Variants in TTBK1 observed in about 807,000 individuals in gnomAD.
TTBK1 encodes tau tubulin kinase 1.
Under a neutral mutation model 108.5 loss-of-function variants are expected in TTBK1, and 34 were observed. The observed-to-expected ratio is 0.31, with a 90% CI of 0.24 to 0.42. The LOEUF is 0.42. Ranked by LOEUF, TTBK1 falls within the 10% of genes least tolerant of loss-of-function variation. The pLI is 1.00. For missense variants in TTBK1, 1,539 were observed against 1,826.0 expected (o/e 0.84, Z 2.86); for synonymous variants, 809 against 795.1 (o/e 1.02, Z -0.29).
chr6:43,244,797 G>A (rs551292527), intron 1 of TTBK1, among the ~76,000 whole-genome samples: 1 of 152,144 alleles, frequency 6.6e-6, no homozygotes, highest in East Asian at 1.9e-4. Context: ...AGCTTCTGAA[G>A]GCCCCCTCCC....
rs936650657 is a variant in TTBK1 at position 43,276,306 on chromosome 6, C to G, written c.1987-6421C>G. Among the ~76,000 whole-genome samples the G allele has an allele frequency of 3.3e-5, 5 of 152,148 alleles. No homozygotes were observed. The highest frequency in any genetic ancestry group is 7.4e-5 in the Non-Finnish European group (5 of 68,026). ...CACACACACGCACACGAAGATGGGA[C>G]GCTTTTTTTCTTCCTCTCTCTCTCC... On this transcript the variant is annotated intron_variant, in intron 13 of 14. Coordinates refer to ENST00000259750, the MANE Select transcript of TTBK1 (RefSeq NM_032538.3). The surrounding 1 kb of genome is among the most constrained non-coding windows in gnomAD (Gnocchi z 5.4).
chr6:43,269,535 CGGGA>C lies in TTBK1; in HGVS notation c.1986+6186_1986+6189del. The C allele has an allele frequency of 7.6e-7, 1 of 1,310,086 alleles. No homozygotes were observed. Among genetic ancestry groups the C allele is most frequent in the Middle Eastern group, 2.3e-4 (1 of 4,274 alleles). The allele number at this position is 1,310,086 out of a possible 1,614,324, so 81.2% of individuals were successfully genotyped here. A position where few individuals can be genotyped will look rare whatever the true frequency, so the allele number is the denominator to read the frequency against. ...CCCTGCCTGACCCCGCCCACTTGCC[CGGGA>C]CGCCGGCGCCGCAGGGGCTGTGAGC... On this transcript the variant is annotated intron_variant, in intron 13 of 14. Transcript: ENST00000259750. This position sits in a 1 kb window ranked among gnomAD's most constrained non-coding sequence, Gnocchi z 4.8.
intron 13 of TTBK1, among the ~76,000 whole-genome samples, chr6:43,277,376 A>G (rs1233551027): frequency 3.3e-5 from 5 of 151,998 alleles, no homozygotes; most frequent in African/African-American, 1.2e-4. Context: ...CTGAGACTGG[A>G]GAGAGAGGGG....
chr6:43,245,741 A>T (rs538199151), intron 1 of TTBK1, among the ~76,000 whole-genome samples: 7 of 152,160 alleles, frequency 4.6e-5, no homozygotes, highest in Admixed American at 3.3e-4. Context: ...TTTCTTGTCG[A>T]TTCCTAAGCA....
intron 13 of TTBK1, among the ~76,000 whole-genome samples, chr6:43,281,112 G>A (rs113715383): frequency 0.011 from 1,730 of 152,132 alleles, 25 homozygotes; most frequent in Non-Finnish European, 0.017. Flanking sequence ...GGTGGCTCAC[G>A]CCTGTAATCC....
intron 13 of TTBK1, chr6:43,271,126 T>G (rs1017490474): frequency 2.0e-6 from 2 of 985,370 alleles, no homozygotes; most frequent in African/African-American, 3.5e-5. Context: ...CCAGCACCTC[T>G]GTTCCCCTGG....
intron 13 of TTBK1, among the ~76,000 whole-genome samples, chr6:43,279,223 G>A (rs537131946): frequency 6.6e-6 from 1 of 152,200 alleles, no homozygotes; most frequent in Non-Finnish European, 1.5e-5. Flanking sequence ...ACCATCCAAT[G>A]TGAGCACTGT....
rs568939720 is a variant in TTBK1 at position 43,258,083 on chromosome 6, T to G, written c.1016+117T>G. 4.1e-6 allele frequency: 5 copies of G among 1,212,740 alleles called. No homozygotes were observed. In the Admixed American group the frequency reaches 1.4e-4, roughly 35 times the overall value. 75.1% of individuals were successfully genotyped at this position (1,212,740 alleles called of 1,614,324 possible). Reference sequence around the variant, plus strand: ...ACACACTTGGCTATCTTTCCTATCCTTAGTGGAGTTCTGGGACTTTGGGAA... The same window carrying G: ...ACACACTTGGCTATCTTTCCTATCCGTAGTGGAGTTCTGGGACTTTGGGAA... On this transcript the variant is annotated intron_variant, in intron 10 of 14. Transcript: ENST00000259750.
chr6:43,249,669 C>T (rs1181692009), intron 2 of TTBK1, among the ~76,000 whole-genome samples: 1 of 151,908 alleles, frequency 6.6e-6, no homozygotes, highest in Non-Finnish European at 1.5e-5. Flanking sequence ...CTCTGCCTCC[C>T]AGATTCAAGC....
In TTBK1 at chr6:43,259,271, T is replaced by A. The variant is rs768534197; in HGVS notation, c.1248+2T>A. 6.5e-7 allele frequency: 1 copy of A among 1,545,736 alleles called. No homozygotes were observed. The highest frequency in any genetic ancestry group is 2.3e-5 in the East Asian group (1 of 44,028). ...AAACTCCGGATCAACATCGGCAAAG[T>A]AACTGCCGCCAGGGCGAAGGGCGTG... On this transcript the variant is annotated splice_donor_variant, in intron 11 of 14. Coordinates refer to ENST00000259750, the MANE Select transcript of TTBK1 (RefSeq NM_032538.3). LOFTEE classifies it high-confidence loss of function. The surrounding 1 kb of genome is among the most constrained non-coding windows in gnomAD (Gnocchi z 6.7).
intron 13 of TTBK1, chr6:43,270,898 T>C: frequency 8.1e-6 from 8 of 985,510 alleles, no homozygotes; most frequent in Non-Finnish European, 9.6e-6. Context: ...ACCTCTGCCC[T>C]TCTCAGAAGG....
chr6:43,271,211 G>A lies in TTBK1; in HGVS notation c.1986+7861G>A, dbSNP rs546224266. 5 of 985,478 alleles carry A rather than the reference G, an allele frequency of 5.1e-6. No individual in the cohort carries two copies. In the East Asian group the frequency reaches 3.4e-4, roughly 67 times the overall value. The allele number at this position is 985,478 out of a possible 1,614,324, so 61.0% of individuals were successfully genotyped here. A position where few individuals can be genotyped will look rare whatever the true frequency, so the allele number is the denominator to read the frequency against. Reference sequence around the variant, plus strand: ...GGGAGGGGAGGAGGCCCAAAGATTTGCAAAATGTTTATTTCAGTGAGACTG... The same window carrying A: ...GGGAGGGGAGGAGGCCCAAAGATTTACAAAATGTTTATTTCAGTGAGACTG... On this transcript the variant is annotated intron_variant, in intron 13 of 14. Transcript: ENST00000259750.
intron 13 of TTBK1, chr6:43,271,877 A>AC: frequency 9.4e-6 from 3 of 320,168 alleles, no homozygotes; most frequent in Non-Finnish European, 1.1e-5. Context: ...CCCCACCCCC[A>AC]CCCCCATCTC....
At chr6:43,267,186 C>T (rs1582500576) in intron 13 of TTBK1, among the ~76,000 whole-genome samples, 1 of 152,040 alleles carries the variant, frequency 6.6e-6, no homozygotes, top group African/African-American at 2.4e-5. Flanking sequence ...TTCAGGACAG[C>T]GGGGTGAAGC....
In TTBK1 at chr6:43,253,331, C is replaced by T. The variant is rs752388647; in HGVS notation, c.297C>T (p.Asn99=). ...HVCRFIGCGR[N]EKFNYVVMQL... The stretch of plus-strand genomic sequence containing the variant: ...GCAGGTTCATTGGCTGTGGCAGGAA[C>T]GAGAAGTTTAACTATGTAGTGATGC... Residue 99 remains asparagine, a synonymous_variant, in exon 4 of 15, where the codon AAC becomes AAT. Coordinates refer to ENST00000259750, the MANE Select transcript of TTBK1 (RefSeq NM_032538.3). The surrounding 1 kb of genome is among the most constrained non-coding windows in gnomAD (Gnocchi z 5.8). 6.8e-6 allele frequency: 11 copies of T among 1,614,064 alleles called. No homozygotes were observed. The Admixed American group carries it at 8.3e-5, about 12-fold the overall frequency.
At position 43,273,949 on chromosome 6, in the gene TTBK1, T is replaced by C. The variant is rs559766555; in HGVS notation, c.1987-8778T>C. On this transcript the variant is annotated intron_variant, in intron 13 of 14. Coordinates refer to ENST00000259750, the MANE Select transcript of TTBK1 (RefSeq NM_032538.3). This position sits in a 1 kb window ranked among gnomAD's most constrained non-coding sequence, Gnocchi z 4.2. ...GTGTTCTTGCCCAGGAACTCGAACC[T>C]GGCCAGTGGGGATGTGTGGTGTGTG... is the stretch of plus-strand genomic sequence containing the variant. Among the ~76,000 whole-genome samples, 3 of 152,096 alleles carry C rather than the reference T, an allele frequency of 2.0e-5. No individual in the cohort carries two copies. Among genetic ancestry groups the C allele is most frequent in the Non-Finnish European group, 4.4e-5 (3 of 68,006 alleles).
chr6:43,244,249 C>T (rs558099520), intron 1 of TTBK1, among the ~76,000 whole-genome samples: 250 of 152,220 alleles, frequency 1.6e-3, no homozygotes, highest in Middle Eastern at 3.4e-3. Context: ...ACCTCTTTCA[C>T]CTGTTCCCAT....
At position 43,253,171 on chromosome 6, in the gene TTBK1, G is replaced by T; in HGVS notation, c.257-120G>T. On this transcript the variant is annotated intron_variant, in intron 3 of 14. Coordinates refer to ENST00000259750, the MANE Select transcript of TTBK1 (RefSeq NM_032538.3). The surrounding 1 kb of genome is among the most constrained non-coding windows in gnomAD (Gnocchi z 5.8). ...CTAGGGCCAGGGAGGTGGCAAGACA[G>T]GTGCTCACAGGGCCAGCACTGGAGG... 2 of 1,132,134 alleles carry T rather than the reference G, an allele frequency of 1.8e-6. No individual in the cohort carries two copies. The highest frequency in any genetic ancestry group is 1.5e-5 in the African/African-American group (1 of 65,382). The allele number at this position is 1,132,134 out of a possible 1,614,324, so 70.1% of individuals were successfully genotyped here.
At position 43,284,233 on chromosome 6, in the gene TTBK1, C is replaced by A; in HGVS notation, c.3493C>A (p.Pro1165Thr). 6.3e-7 allele frequency: 1 copy of A among 1,596,580 alleles called. No homozygotes were observed. The highest frequency in any genetic ancestry group is 8.5e-7 in the Non-Finnish European group (1 of 1,178,544). ...TCCCCGCCCCATTGGCCTCCGCATG[C>A]CCATGCCTGTTGCAGCCCAGCAGCC... ...RIPRPIGLRM[P>T]MPVAAQQPAS... The change falls in exon 14 of 15, where the codon CCC becomes ACC. Residue 1165 changes from proline to threonine, a missense_variant. Pro to Thr is a conservative substitution (Grantham distance 38). Transcript: ENST00000259750.
Sources: gnomAD v4.1 joint callset for allele counts (sites outside exome capture counted in the v4.1 genomes callset) on GRCh38, gnomAD v4.1.1 for gene constraint, Gnocchi (gnomAD v3.1) non-coding constraint, MANE v1.5 for transcripts, NCBI Gene and HGNC (gene_info 2026-07-23, HGNC 2026-07-21) for gene names.